LAPTM5: variants seen among roughly 807,000 people sequenced by gnomAD.
LAPTM5 encodes the protein lysosomal protein transmembrane 5, also known as lysosomal-associated transmembrane protein 5.
Under a neutral mutation model 30.1 loss-of-function variants are expected in LAPTM5, and 11 were observed. The observed-to-expected ratio is 0.37, with a 90% confidence interval of 0.23 to 0.60. The LOEUF (loss-of-function observed/expected upper bound fraction) is 0.60. Among genes scored for constraint, LAPTM5 ranks in the 20% least tolerant of loss-of-function variants. The probability of loss-of-function intolerance (pLI) is 0.71; values close to 1 mark genes in which losing one functional copy is unlikely to be tolerated. For missense variants in LAPTM5, 324 were observed against 332.5 expected (o/e 0.97, Z 0.20); for synonymous variants, 151 against 137.9 (o/e 1.10, Z -0.67).
intron 3 of LAPTM5, 90 bp downstream of exon 3, chr1:30,741,550 T>G: frequency 1.1e-6 from 1 of 907,750 alleles, no homozygotes; most frequent in Non-Finnish European, 1.6e-6. Flanking sequence ...CATACCCGCC[T>G]CCCACCCTCT....
intron 1 of LAPTM5, 127 bp downstream of exon 1, chr1:30,757,532 A>G: frequency 1.0e-6 from 1 of 978,502 alleles, no homozygotes; most frequent in Non-Finnish European, 1.6e-6. Flanking sequence ...GGATTTGCCC[A>G]GGGTCCCCCA....
chr1:30,740,436 C>T (rs1639953764), intron 3 of LAPTM5, among the ~76,000 whole-genome samples: 1 of 133,116 alleles, frequency 7.5e-6, no homozygotes, highest in South Asian at 2.4e-4. Flanking sequence ...GCCCCGCATA[C>T]AATTGGACCT....
At chr1:30,734,359 G>A (rs753228367) in intron 7 of LAPTM5, among the ~76,000 whole-genome samples, 10 of 152,114 alleles carry the variant, frequency 6.6e-5, no homozygotes, top group African/African-American at 9.7e-5. Context: ...TTTTCTGTTG[G>A]GATTTCTGAG....
chr1:30,742,343 AT>A, intron 2 of LAPTM5, 112 bp downstream of exon 2: 4 of 705,350 alleles, frequency 5.7e-6, no homozygotes, highest in South Asian at 3.3e-5. Context: ...GCCAGAGGTC[AT>A]CCATCGTCCA....
At chr1:30,744,751 C>A (rs1402605254) in intron 1 of LAPTM5, among the ~76,000 whole-genome samples, 1 of 152,072 alleles carries the variant, frequency 6.6e-6, no homozygotes, top group Non-Finnish European at 1.5e-5. Context: ...CTTCCCATTC[C>A]CCTGACCCCC....
chr1:30,740,070 TC>T, intron 3 of LAPTM5, 133 bp from the exon 4 acceptor site: 1 of 965,226 alleles, frequency 1.0e-6, no homozygotes, highest in Non-Finnish European at 1.4e-6. Flanking sequence ...TGAGGTCACC[TC>T]CCTCTGAGTG....
At chr1:30,748,137 G>A (rs1328866667) in intron 1 of LAPTM5, among the ~76,000 whole-genome samples, 1 of 152,090 alleles carries the variant, frequency 6.6e-6, no homozygotes, top group Non-Finnish European at 1.5e-5. Context: ...GAGATTTTCA[G>A]GGAGGTAAAG....
chr1:30,739,853 T>C lies in LAPTM5; in HGVS notation c.343A>G (p.Ile115Val), dbSNP rs750546368. 9.3e-6 allele frequency: 15 copies of C among 1,607,596 alleles called. No homozygotes were observed. The highest frequency in any genetic ancestry group is 2.7e-5 in the African/African-American group (2 of 74,662). ...AACTTGAGGTAGGCGGGCAGCTCAA[T>C]GTAGGAGCCCAGCAGGGTGAGCAGG... ...LCLLTLLGSY[I>V]ELPAYLKLAS... Residue 115 changes from isoleucine to valine, a missense_variant, in exon 4 of 8, where the codon ATT (isoleucine) becomes GTT (valine). Ile to Val is a conservative substitution (Grantham distance 29). Coordinates refer to ENST00000294507, the MANE Select transcript of LAPTM5 (RefSeq NM_006762.3). The surrounding 1 kb of genome is among the most constrained non-coding windows in gnomAD (Gnocchi z 4.2).
intron 1 of LAPTM5, among the ~76,000 whole-genome samples, chr1:30,748,249 G>A (rs771865800): frequency 1.9e-4 from 29 of 152,112 alleles, no homozygotes; most frequent in Admixed American, 1.6e-3. Flanking sequence ...CCTACCAAAT[G>A]TGCGAGCCCA....
chr1:30,733,669 C>T lies in LAPTM5; in HGVS notation c.*159G>A, dbSNP rs567418398. 8 of 1,534,066 alleles carry T rather than the reference C, an allele frequency of 5.2e-6. No individual in the cohort carries two copies. The Admixed American group carries it at 1.2e-4, about 23-fold the overall frequency. On this transcript the variant is annotated 3_prime_UTR_variant, in exon 8 of 8. Transcript: ENST00000294507. ...GACCCAGTTGTGAGCAGCTCACAGG[C>T]CCTGCAGGAGGAGCAGGCCAGCGAG... is the stretch of plus-strand genomic sequence containing the variant.
intron 1 of LAPTM5, among the ~76,000 whole-genome samples, chr1:30,756,729 T>C (rs1262946791): frequency 2.6e-5 from 4 of 152,164 alleles, no homozygotes; most frequent in Non-Finnish European, 5.9e-5. Flanking sequence ...CACCGCAGCA[T>C]GTGGATCTAG....
intron 1 of LAPTM5, among the ~76,000 whole-genome samples, chr1:30,753,313 A>G (rs143402580): frequency 1.5e-4 from 23 of 152,270 alleles, no homozygotes; most frequent in African/African-American, 5.1e-4. Context: ...CATTCATCAA[A>G]CTTGAGTTGC....
Position 30,749,254 on chromosome 1 carries a change from G to A in LAPTM5, c.88-6705C>T, listed in dbSNP as rs555487602. ...AAGAAGTGCTCACAAAAGAACACGC[G>A]CTGCAGAATTTCATTTCTACGTAAT... On this transcript the variant is annotated intron_variant, in intron 1 of 7. Coordinates refer to ENST00000294507, the MANE Select transcript of LAPTM5 (RefSeq NM_006762.3). 7.0e-4 allele frequency among the ~76,000 whole-genome samples: 107 copies of A among 152,294 alleles called. 1 individual carries two copies. In the South Asian group the frequency reaches 9.3e-3, roughly 13 times the overall value.
Position 30,756,582 on chromosome 1 carries a change from G to A in LAPTM5, c.87+1077C>T, listed in dbSNP as rs567581564. Reference sequence around the variant, plus strand: ...GAAGCAGGGAAGCCAGGATTTGCATGCAGGAGTCTGCATCCAGAGGCCGTG... The same window carrying A: ...GAAGCAGGGAAGCCAGGATTTGCATACAGGAGTCTGCATCCAGAGGCCGTG... On this transcript the variant is annotated intron_variant, in intron 1 of 7. Transcript: ENST00000294507. Among the ~76,000 whole-genome samples the A allele has an allele frequency of 3.3e-5, 5 of 152,338 alleles. No homozygotes were observed. In the East Asian group the frequency reaches 9.6e-4, roughly 29 times the overall value.
At position 30,746,603 on chromosome 1, in the gene LAPTM5, G is replaced by A. The variant is rs1640049754; in HGVS notation, c.88-4054C>T. Reference sequence around the variant, plus strand: ...GGCTTCTCTCCCCCAACAATGCGCAGGCAGACAGCATGCCCTCACCCACTT... The same window carrying A: ...GGCTTCTCTCCCCCAACAATGCGCAAGCAGACAGCATGCCCTCACCCACTT... On this transcript the variant is annotated intron_variant, in intron 1 of 7. Transcript: ENST00000294507. This position sits in a 1 kb window ranked among gnomAD's most constrained non-coding sequence, Gnocchi z 4.0. Among the ~76,000 whole-genome samples, 1 of 152,166 alleles carries A rather than the reference G, an allele frequency of 6.6e-6. No individual in the cohort carries two copies. The highest frequency in any genetic ancestry group is 2.4e-5 in the African/African-American group (1 of 41,428).
chr1:30,750,002 AGACTCG>A (rs1371421900), intron 1 of LAPTM5, among the ~76,000 whole-genome samples: 1 of 152,190 alleles, frequency 6.6e-6, no homozygotes, highest in Non-Finnish European at 1.5e-5. Context: ...TAGAGAACCT[AGACTCG>A]GACGGCTCAG....
intron 6 of LAPTM5, 71 bp from the exon 7 acceptor site, chr1:30,735,336 A>G: frequency 7.8e-7 from 1 of 1,287,380 alleles, no homozygotes; most frequent in South Asian, 1.2e-5. Context: ...CCTAGGACAT[A>G]TGCCAGGCAG....
At chr1:30,738,588 T>C (rs1392885008) in intron 5 of LAPTM5, among the ~76,000 whole-genome samples, 1 of 152,238 alleles carries the variant, frequency 6.6e-6, no homozygotes. Flanking sequence ...AAATGTTTAT[T>C]GCTTTAAGCC....
At chr1:30,740,027 A>G in intron 3 of LAPTM5, 90 bp from the exon 4 acceptor site, 2 of 1,395,832 alleles carry the variant, frequency 1.4e-6, no homozygotes, top group Non-Finnish European at 1.9e-6. Context: ...TCCCCTTCCC[A>G]CCCTCTCCCA....
Sources: gnomAD v4.1 joint callset for allele counts (sites outside exome capture counted in the v4.1 genomes callset) on GRCh38, gnomAD v4.1.1 for gene constraint, Gnocchi (gnomAD v3.1) non-coding constraint, MANE v1.5 for transcripts, NCBI Gene and HGNC (gene_info 2026-07-23, HGNC 2026-07-21) for gene names.